Variants in BMP2K observed in about 807,000 individuals in gnomAD.
BMP2K encodes the protein BMP-2-inducible protein kinase.
In BMP2K, 74 loss-of-function variants were observed where a neutral mutation model predicts 116.0. The ratio of observed to expected loss-of-function variants is 0.64; its 90% CI spans 0.53 to 0.77. BMP2K has a LOEUF of 0.77. Ranked by LOEUF, BMP2K falls within the 30% of genes least tolerant of loss-of-function variation. The probability of loss-of-function intolerance (pLI) is 0.00; values close to 1 mark genes in which losing one functional copy is unlikely to be tolerated. For synonymous variants in BMP2K, 486 were observed against 502.5 expected, an observed-to-expected ratio of 0.97 and a Z score of 0.44; for missense variants, 1,365 against 1,403.6, an observed-to-expected ratio of 0.97 and a Z score of 0.44.
intron 1 of BMP2K, among the ~76,000 whole-genome samples, chr4:78,814,980 A>G (rs1463318908): frequency 3.3e-5 from 5 of 152,060 alleles, no homozygotes; most frequent in African/African-American, 1.2e-4. Flanking sequence ...TTTTTCCCCC[A>G]ATTTGGGAAA....
At chr4:78,855,444 GTTAGA>G (rs1731458734) in intron 7 of BMP2K, among the ~76,000 whole-genome samples, 1 of 152,154 alleles carries the variant, frequency 6.6e-6, no homozygotes, top group East Asian at 1.9e-4. Flanking sequence ...TTGTTGAGCT[GTTAGA>G]TTAGAGATGG....
chr4:78,815,736 A>G (rs1409889306), intron 1 of BMP2K, among the ~76,000 whole-genome samples: 2 of 152,152 alleles, frequency 1.3e-5, no homozygotes, highest in African/African-American at 4.8e-5. Context: ...GTAATTTTGA[A>G]TAGGGACTGT....
chr4:78,907,640 A>G (rs1043794822), intron 15 of BMP2K, among the ~76,000 whole-genome samples: 1 of 152,216 alleles, frequency 6.6e-6, no homozygotes, highest in Non-Finnish European at 1.5e-5. Flanking sequence ...GGTTCATAAA[A>G]TTAGATTCTT....
intron 15 of BMP2K, among the ~76,000 whole-genome samples, chr4:78,908,824 T>C (rs186864957): frequency 9.6e-4 from 146 of 152,290 alleles, no homozygotes; most frequent in Non-Finnish European, 1.1e-3. Context: ...GATATGTTGA[T>C]ACAGGTATAC....
intron 15 of BMP2K, among the ~76,000 whole-genome samples, chr4:78,903,597 T>G (rs1262401671): frequency 6.6e-6 from 1 of 152,012 alleles, no homozygotes; most frequent in Admixed American, 6.6e-5. Flanking sequence ...CAGGCTTATT[T>G]GGATGTTTAT....
In BMP2K at chr4:78,915,134, C is replaced by G. The variant is rs1313993977; in HGVS notation, c.*3101C>G. 1.3e-5 allele frequency: 2 copies of G among 151,914 alleles called. No homozygotes were observed. The highest frequency in any genetic ancestry group is 2.9e-5 in the Non-Finnish European group (2 of 67,898). The allele number at this position is 151,914 out of a possible 1,614,324, so 9.4% of individuals were successfully genotyped here. Reference sequence around the variant, plus strand: ...CAGGAGTGTAATTATTTTCCCTTACCCCAATCCCTGTGTACGTGTTGGGTA... The same window carrying G: ...CAGGAGTGTAATTATTTTCCCTTACGCCAATCCCTGTGTACGTGTTGGGTA... On this transcript the variant is annotated 3_prime_UTR_variant, in exon 16 of 16. Coordinates refer to ENST00000502613, the MANE Select transcript of BMP2K (RefSeq NM_198892.2).
At chr4:78,906,660 C>T (rs1026134578) in intron 15 of BMP2K, among the ~76,000 whole-genome samples, 4 of 152,010 alleles carry the variant, frequency 2.6e-5, no homozygotes. Context: ...TTGAATTAGC[C>T]ATAGACTTGC....
chr4:78,851,156 G>T, intron 7 of BMP2K, 100 bp downstream of exon 7: 1 of 1,224,838 alleles, frequency 8.2e-7, no homozygotes, highest in South Asian at 2.0e-5. Flanking sequence ...TTTCATATAT[G>T]AAAATTTTGT....
intron 1 of BMP2K, among the ~76,000 whole-genome samples, chr4:78,789,404 A>G (rs1204454637): frequency 2.0e-5 from 3 of 152,044 alleles, no homozygotes; most frequent in South Asian, 4.2e-4. Context: ...CCTATGCTGT[A>G]TAGGCATTGG....
chr4:78,836,599 C>T (rs992531273), intron 3 of BMP2K, among the ~76,000 whole-genome samples: 1 of 152,136 alleles, frequency 6.6e-6, no homozygotes, highest in Non-Finnish European at 1.5e-5. Flanking sequence ...GTCTTGGATT[C>T]CCTGCTACTT....
chr4:78,841,568 A>G (rs1236131652), intron 3 of BMP2K, among the ~76,000 whole-genome samples: 1 of 152,080 alleles, frequency 6.6e-6, no homozygotes, highest in Admixed American at 6.6e-5. Flanking sequence ...CTAACCCTAG[A>G]TGAGATTTTT....
Position 78,857,910 on chromosome 4 carries a change from G to A in BMP2K, c.884-1674G>A, listed in dbSNP as rs551506719. On this transcript the variant is annotated intron_variant, in intron 7 of 15. Transcript: ENST00000502613. ...CTAAAAAATGGAGAGCAAATTTTGG[G>A]CCTGCATTTAAGACCAAATCATATG... 2.0e-5 allele frequency among the ~76,000 whole-genome samples: 3 copies of A among 151,826 alleles called. No homozygotes were observed. The East Asian group carries it at 5.8e-4, about 29-fold the overall frequency.
chr4:78,809,499 T>C (rs2109969570), intron 1 of BMP2K, among the ~76,000 whole-genome samples: 1 of 152,234 alleles, frequency 6.6e-6, no homozygotes, highest in African/African-American at 2.4e-5. Context: ...CATCTCTGCC[T>C]CCTGAGTAGC....
chr4:78,880,014 T>G (rs1439055900), intron 14 of BMP2K: 1 of 152,182 alleles, frequency 6.6e-6, no homozygotes, highest in African/African-American at 2.4e-5. Flanking sequence ...CGGCTTTTTT[T>G]GTTTGGCATT....
intron 8 of BMP2K, among the ~76,000 whole-genome samples, chr4:78,860,290 A>G (rs1731711004): frequency 6.6e-6 from 1 of 151,866 alleles, no homozygotes; most frequent in Admixed American, 6.6e-5. Context: ...ATTATGCAGT[A>G]TATCCTTATA....
intron 8 of BMP2K, chr4:78,859,998 A>G: frequency 1.9e-6 from 1 of 536,292 alleles, no homozygotes; most frequent in Non-Finnish European, 3.5e-6. Flanking sequence ...CTAACAGTTT[A>G]ATAAACAGGA....
intron 1 of BMP2K, among the ~76,000 whole-genome samples, chr4:78,789,481 AC>A (rs1311460933): frequency 6.6e-6 from 1 of 152,102 alleles, no homozygotes; most frequent in Non-Finnish European, 1.5e-5. Flanking sequence ...GGGACTTGGA[AC>A]TGGTTTAAGG....
chr4:78,858,837 C>T (rs891658751), intron 7 of BMP2K, among the ~76,000 whole-genome samples: 4 of 151,734 alleles, frequency 2.6e-5, no homozygotes, highest in African/African-American at 7.3e-5. Flanking sequence ...CTTTTACTTA[C>T]GGAATTGAGT....
intron 15 of BMP2K, among the ~76,000 whole-genome samples, chr4:78,891,970 T>C (rs1733462576): frequency 6.6e-6 from 1 of 152,176 alleles, no homozygotes; most frequent in South Asian, 2.1e-4. Flanking sequence ...AACAACCTAG[T>C]TGACCATGAT....
Sources: allele counts gnomAD v4.1 joint callset (sites outside exome capture counted in the v4.1 genomes callset), GRCh38; gene constraint gnomAD v4.1.1; transcripts MANE v1.5; gene names NCBI Gene and HGNC (gene_info 2026-07-23, HGNC 2026-07-21).